SPIN1: variants seen among roughly 807,000 people sequenced by gnomAD.
The protein encoded by SPIN1 is spindlin 1, also known as spindlin-1.
In SPIN1, 3 loss-of-function variants were observed where a neutral mutation model predicts 26.0. The observed-to-expected ratio is 0.12, with a 90% CI of 0.05 to 0.30. The LOEUF is 0.30. SPIN1 is among the 10% of genes least tolerant of loss of function. The probability of loss-of-function intolerance (pLI) is 1.00; values close to 1 mark genes in which losing one functional copy is unlikely to be tolerated. For synonymous variants in SPIN1, 101 were observed against 116.5 expected (o/e 0.87, Z 0.86); for missense variants, 126 against 333.4 (o/e 0.38, Z 4.84).
intron 1 of SPIN1, among the ~76,000 whole-genome samples, chr9:88,389,084 C>G (rs1459945342): frequency 6.6e-6 from 1 of 152,054 alleles, no homozygotes; most frequent in African/African-American, 2.4e-5. Context: ...GGGGCCACCC[C>G]TCCCAGGCCC....
chr9:88,470,506 G>A (rs1276803847), intron 5 of SPIN1, among the ~76,000 whole-genome samples: 2 of 152,242 alleles, frequency 1.3e-5, no homozygotes, highest in African/African-American at 4.8e-5. Context: ...GGCCATCCTA[G>A]TGGATGTGAA....
chr9:88,439,927 T>G (rs1587799874), intron 2 of SPIN1, among the ~76,000 whole-genome samples: 1 of 152,326 alleles, frequency 6.6e-6, no homozygotes, highest in Non-Finnish European at 1.5e-5. Flanking sequence ...TTTGATCCAC[T>G]CTGAGTCTGT....
intron 3 of SPIN1, among the ~76,000 whole-genome samples, chr9:88,450,433 A>G (rs139539058): frequency 2.2e-4 from 34 of 152,332 alleles, no homozygotes; most frequent in African/African-American, 7.9e-4. Flanking sequence ...TATGATTAAA[A>G]GTTCATTTAC....
intron 2 of SPIN1, among the ~76,000 whole-genome samples, chr9:88,448,244 A>G (rs1168684763): frequency 6.6e-6 from 1 of 152,110 alleles, no homozygotes; most frequent in Non-Finnish European, 1.5e-5. Flanking sequence ...GGGTTTCACC[A>G]TCTTGGCCGG....
At chr9:88,460,739 C>T (rs1000475870) in intron 3 of SPIN1, among the ~76,000 whole-genome samples, 36 of 152,116 alleles carry the variant, frequency 2.4e-4, no homozygotes, top group African/African-American at 8.5e-4. Flanking sequence ...CTATTCAAGC[C>T]CTTGACAGAA....
In SPIN1 at chr9:88,470,970, C is replaced by G. The variant is rs144678769; in HGVS notation, c.589+2365C>G. On this transcript the variant is annotated intron_variant, in intron 5 of 5. Transcript: ENST00000375859. ...CCTATTTTTAAATTGAATTATCTGTCTTTCATTATTGCATTGTGACAATTT... is the reference window on the plus strand; with the variant it reads ...CCTATTTTTAAATTGAATTATCTGTGTTTCATTATTGCATTGTGACAATTT... Among the ~76,000 whole-genome samples the G allele has an allele frequency of 2.7e-3, 413 of 152,266 alleles. 3 individuals are homozygous for G. The highest frequency in any genetic ancestry group is 9.2e-3 in the African/African-American group (384 of 41,560).
chr9:88,413,011 A>G (rs1196049934), intron 1 of SPIN1, among the ~76,000 whole-genome samples: 1 of 151,524 alleles, frequency 6.6e-6, no homozygotes, highest in Non-Finnish European at 1.5e-5. Flanking sequence ...TGACAAGACA[A>G]TATTGTTGGT....
At chr9:88,436,956 G>A (rs113626995) in intron 2 of SPIN1, among the ~76,000 whole-genome samples, 2 of 151,318 alleles carry the variant, frequency 1.3e-5, no homozygotes, top group Non-Finnish European at 2.9e-5. Context: ...TAGTAGAGAC[G>A]GGGTTTCACC....
chr9:88,432,413 C>T (rs1827899681), intron 2 of SPIN1, among the ~76,000 whole-genome samples: 1 of 151,872 alleles, frequency 6.6e-6, no homozygotes, highest in African/African-American at 2.4e-5. Context: ...GTCTCGAACT[C>T]CTGACCTCAG....
rs372073569 is a variant in SPIN1 at position 88,413,464 on chromosome 9, A to G, written c.-158-12918A>G. On this transcript the variant is annotated intron_variant, in intron 1 of 5. Transcript: ENST00000375859. ...AGTGGTGCGATTTTGGCTTACTGCA[A>G]CCTCAGCCTCCCAGGTTCAAGTGAT... Among the ~76,000 whole-genome samples the G allele has an allele frequency of 2.8e-3, 401 of 142,624 alleles. 2 individuals are homozygous for G. Among genetic ancestry groups the G allele is most frequent in the Middle Eastern group, 0.019 (4 of 212 alleles). The allele number at this position is 142,624 out of a possible 152,430, so 93.6% of individuals were successfully genotyped here.
chr9:88,459,635 A>T (rs1180448895), intron 3 of SPIN1, among the ~76,000 whole-genome samples: 1 of 152,214 alleles, frequency 6.6e-6, no homozygotes, highest in African/African-American at 2.4e-5. Flanking sequence ...TTGAAATATC[A>T]GAACAGATAA....
intron 1 of SPIN1, among the ~76,000 whole-genome samples, chr9:88,423,726 ATT>A (rs201525377): frequency 3.9e-4 from 51 of 129,626 alleles, no homozygotes; most frequent in African/African-American, 1.0e-3. Flanking sequence ...TACATCATGT[ATT>A]TTTTTTTTTT....
At chr9:88,390,694 G>T (rs1714079429) in intron 1 of SPIN1, among the ~76,000 whole-genome samples, 1 of 152,144 alleles carries the variant, frequency 6.6e-6, no homozygotes, top group South Asian at 2.1e-4. Context: ...CAAGTATTTT[G>T]TTCAGTTTAG....
At chr9:88,431,016 G>C (rs1827857731) in intron 2 of SPIN1, among the ~76,000 whole-genome samples, 1 of 151,756 alleles carries the variant, frequency 6.6e-6, no homozygotes. Flanking sequence ...CCAAGTGGCT[G>C]GGATTACAGG....
chr9:88,441,573 T>A (rs911604620), intron 2 of SPIN1, among the ~76,000 whole-genome samples: 1 of 151,618 alleles, frequency 6.6e-6, no homozygotes, highest in Non-Finnish European at 1.5e-5. Flanking sequence ...GTCTGGGCAA[T>A]GTAGTGAGAC....
chr9:88,449,367 T>C (rs1669685422), intron 3 of SPIN1, among the ~76,000 whole-genome samples: 1 of 152,124 alleles, frequency 6.6e-6, no homozygotes, highest in African/African-American at 2.4e-5. Context: ...GGAGCTCCTT[T>C]TGGGCAGAGA....
At chr9:88,403,736 A>G (rs1368414817) in intron 1 of SPIN1, among the ~76,000 whole-genome samples, 1 of 151,964 alleles carries the variant, frequency 6.6e-6, no homozygotes, top group African/African-American at 2.4e-5. Flanking sequence ...AAAAAAGAAA[A>G]CCACTATTAA....
At chr9:88,399,542 T>C (rs1015800700) in intron 1 of SPIN1, among the ~76,000 whole-genome samples, 13 of 151,994 alleles carry the variant, frequency 8.6e-5, no homozygotes, top group African/African-American at 3.1e-4. Context: ...CCTTGGCAAA[T>C]GTAGCCCAGG....
chr9:88,401,007 T>C (rs1045307540), intron 1 of SPIN1, among the ~76,000 whole-genome samples: 7 of 152,190 alleles, frequency 4.6e-5, no homozygotes, highest in African/African-American at 1.7e-4. Context: ...AGTGAGATTC[T>C]AATAAAATAT....
Sources: gnomAD v4.1 joint callset for allele counts (sites outside exome capture counted in the v4.1 genomes callset) on GRCh38, gnomAD v4.1.1 for gene constraint, MANE v1.5 for transcripts, NCBI Gene and HGNC (gene_info 2026-07-23, HGNC 2026-07-21) for gene names.